Variants in VSNL1 observed in about 807,000 individuals in gnomAD.
VSNL1 encodes visinin like 1.
VSNL1 carries 6 observed loss-of-function variants against 20.4 expected under a neutral mutation model. The observed-to-expected ratio is 0.29, with a 90% CI of 0.16 to 0.58. The LOEUF (loss-of-function observed/expected upper bound fraction) is 0.58. Ranked by LOEUF, VSNL1 falls within the 20% of genes least tolerant of loss-of-function variation. VSNL1 has a pLI of 0.90. For missense variants in VSNL1, 100 were observed against 234.5 expected, an observed-to-expected ratio of 0.43 and a Z score of 3.75; for synonymous variants, 93 against 86.4, an observed-to-expected ratio of 1.08 and a Z score of -0.42.
intron 2 of VSNL1, among the ~76,000 whole-genome samples, chr2:17,621,257 CT>C (rs1232873398): frequency 6.7e-6 from 1 of 150,048 alleles, no homozygotes; most frequent in Non-Finnish European, 1.5e-5. Context: ...TTCTTTCTTT[CT>C]TTTCTTTCTT....
chr2:17,564,823 A>G (rs978054844), intron 1 of VSNL1, among the ~76,000 whole-genome samples: 1 of 152,204 alleles, frequency 6.6e-6, no homozygotes, highest in African/African-American at 2.4e-5. Flanking sequence ...ATGAACAAAA[A>G]ACTAGCTTGA....
chr2:17,619,331 T>G (rs1175625034), intron 2 of VSNL1, among the ~76,000 whole-genome samples: 1 of 152,182 alleles, frequency 6.6e-6, no homozygotes, highest in Non-Finnish European at 1.5e-5. Context: ...GCGGGCAATC[T>G]TGGTCCATCT....
At chr2:17,586,315 T>C (rs758632459) in intron 1 of VSNL1, among the ~76,000 whole-genome samples, 6 of 152,234 alleles carry the variant, frequency 3.9e-5, no homozygotes, top group African/African-American at 1.4e-4. Flanking sequence ...TCCCCTGAGT[T>C]GCTTTTTAAA....
intron 1 of VSNL1, among the ~76,000 whole-genome samples, chr2:17,549,007 G>C (rs1663463751): frequency 6.6e-6 from 1 of 152,182 alleles, no homozygotes; most frequent in African/African-American, 2.4e-5. Context: ...AATAATGTCA[G>C]AGGACATCTG....
chr2:17,569,786 A>G (rs1490187545), intron 1 of VSNL1, among the ~76,000 whole-genome samples: 1 of 152,182 alleles, frequency 6.6e-6, no homozygotes, highest in Non-Finnish European at 1.5e-5. Flanking sequence ...CTCTATTTTT[A>G]ATTCTTTAAC....
At chr2:17,619,350 G>C (rs1382407140) in intron 2 of VSNL1, among the ~76,000 whole-genome samples, 3 of 152,120 alleles carry the variant, frequency 2.0e-5, no homozygotes. Context: ...CTTCTCAGCA[G>C]GCTAATTTTT....
At chr2:17,651,817 C>T (rs368373268) in intron 3 of VSNL1, among the ~76,000 whole-genome samples, 11 of 152,296 alleles carry the variant, frequency 7.2e-5, no homozygotes, top group African/African-American at 1.7e-4. Context: ...TTTCCTGCTT[C>T]GTGACACGTG....
rs370754542 is a variant in VSNL1 at position 17,608,363 on chromosome 2, T to C, written c.162+16127T>C. Among the ~76,000 whole-genome samples the C allele has an allele frequency of 2.6e-5, 4 of 152,350 alleles. No individual in the cohort carries two copies. The South Asian group carries it at 6.2e-4, about 24-fold the overall frequency. On this transcript the variant is annotated intron_variant, in intron 2 of 3. Coordinates refer to ENST00000295156, the MANE Select transcript of VSNL1 (RefSeq NM_003385.5). Reference sequence around the variant, plus strand: ...AGCACGATAAATGATGACATCGTGTTAAAGCTAATATGTCGTGGCTTCACA... The same window carrying C: ...AGCACGATAAATGATGACATCGTGTCAAAGCTAATATGTCGTGGCTTCACA...
intron 1 of VSNL1, among the ~76,000 whole-genome samples, chr2:17,553,016 C>T (rs1393398105): frequency 6.6e-6 from 1 of 151,710 alleles, no homozygotes; most frequent in Admixed American, 6.6e-5. Context: ...CTCGCATATA[C>T]AAGATCTTCA....
intron 2 of VSNL1, among the ~76,000 whole-genome samples, chr2:17,640,244 C>T (rs749455662): frequency 7.4e-6 from 1 of 134,616 alleles, no homozygotes; most frequent in Non-Finnish European, 1.6e-5. Flanking sequence ...CAGAGCGAGA[C>T]TCTGTTTCAA....
intron 1 of VSNL1, among the ~76,000 whole-genome samples, chr2:17,545,728 T>C (rs143886841): frequency 2.8e-4 from 43 of 152,242 alleles, no homozygotes; most frequent in Non-Finnish European, 4.6e-4. Flanking sequence ...TTAGAAACTA[T>C]TTAATGAATG....
intron 2 of VSNL1, among the ~76,000 whole-genome samples, chr2:17,645,605 C>T (rs571449726): frequency 6.6e-6 from 1 of 152,306 alleles, no homozygotes; most frequent in Admixed American, 6.5e-5. Flanking sequence ...GGTTCTCATG[C>T]ACCACCTCTT....
intron 3 of VSNL1, among the ~76,000 whole-genome samples, chr2:17,654,638 A>T (rs951176796): frequency 1.3e-5 from 2 of 152,226 alleles, no homozygotes; most frequent in African/African-American, 4.8e-5. Context: ...AAATTCTTCT[A>T]TATCCAGTTG....
At chr2:17,542,482 C>CT (rs1411910920) in intron 1 of VSNL1, among the ~76,000 whole-genome samples, 2 of 152,148 alleles carry the variant, frequency 1.3e-5, no homozygotes, top group Non-Finnish European at 2.9e-5. Context: ...CTCTTTGGCC[C>CT]TTTGATCAGT....
intron 1 of VSNL1, among the ~76,000 whole-genome samples, chr2:17,564,478 A>G (rs62131521): frequency 0.033 from 5,022 of 152,294 alleles, 88 homozygotes; most frequent in East Asian, 0.098. Context: ...AAAAACAACA[A>G]CAGCAGCAAC....
At chr2:17,546,909 T>C (rs773149885) in intron 1 of VSNL1, among the ~76,000 whole-genome samples, 11 of 151,746 alleles carry the variant, frequency 7.2e-5, no homozygotes, top group Non-Finnish European at 1.6e-4. Flanking sequence ...TGCTTTCTTG[T>C]TCTTATGAAA....
rs574755958 is a variant in VSNL1 at position 17,549,097 on chromosome 2, A to G, written c.-6+8179A>G. ...CCAAGGTGCCCTGAGCACCTGTTAA[A>G]CACTTCAGGAGACGCCTATGCCTCA... On this transcript the variant is annotated intron_variant, in intron 1 of 3. Coordinates refer to ENST00000295156, the MANE Select transcript of VSNL1 (RefSeq NM_003385.5). 7.9e-5 allele frequency among the ~76,000 whole-genome samples: 12 copies of G among 152,248 alleles called. No homozygotes were observed. The South Asian group carries it at 1.9e-3, about 24-fold the overall frequency.
chr2:17,566,646 T>C (rs1000147870), intron 1 of VSNL1, among the ~76,000 whole-genome samples: 4 of 152,188 alleles, frequency 2.6e-5, no homozygotes, highest in Admixed American at 6.5e-5. Context: ...ATATTATCTC[T>C]TTGTCTGTCA....
intron 2 of VSNL1, among the ~76,000 whole-genome samples, chr2:17,613,328 T>C (rs978060219): frequency 1.3e-5 from 2 of 152,246 alleles, no homozygotes; most frequent in African/African-American, 4.8e-5. Flanking sequence ...AAAGCAATTT[T>C]TTAAGTTACT....
Sources: allele counts gnomAD v4.1 joint callset (sites outside exome capture counted in the v4.1 genomes callset), GRCh38; gene constraint gnomAD v4.1.1; transcripts MANE v1.5; gene names NCBI Gene and HGNC (gene_info 2026-07-23, HGNC 2026-07-21).